Variants in CALN1 observed in about 807,000 individuals in gnomAD.
CALN1 encodes the protein calcium-binding protein 8.
Under a neutral mutation model 30.6 loss-of-function variants are expected in CALN1, and 17 were observed. The observed-to-expected ratio is 0.56, with a 90% CI of 0.38 to 0.83. CALN1 has a LOEUF of 0.83. Ranked by LOEUF, CALN1 falls within the 40% of genes least tolerant of loss-of-function variation. CALN1 has a pLI of 0.00. For missense variants in CALN1, 291 were observed against 354.9 expected, an observed-to-expected ratio of 0.82 and a Z score of 1.45; for synonymous variants, 156 against 131.4, an observed-to-expected ratio of 1.19 and a Z score of -1.28.
chr7:72,482,175 G>C, the CALN1 span, among the ~76,000 whole-genome samples: 1 of 152,068 alleles, frequency 6.6e-6, no homozygotes, highest in Non-Finnish European at 1.5e-5. Flanking sequence ...AATCTACTTA[G>C]TCTGGTATTA....
intron 5 of CALN1, among the ~76,000 whole-genome samples, chr7:71,933,525 C>A: frequency 6.6e-6 from 1 of 152,238 alleles, no homozygotes; most frequent in East Asian, 1.9e-4. Context: ...AGATGATGAG[C>A]CCTGGGTATT....
chr7:72,326,462 A>T (rs779741905), intron 2 of CALN1, among the ~76,000 whole-genome samples: 1 of 152,230 alleles, frequency 6.6e-6, no homozygotes, highest in Non-Finnish European at 1.5e-5. Flanking sequence ...GCTGAGATGG[A>T]ATATGTGTTT....
chr7:72,332,635 G>A (rs1801751807), intron 2 of CALN1, among the ~76,000 whole-genome samples: 1 of 152,058 alleles, frequency 6.6e-6, no homozygotes, highest in Admixed American at 6.6e-5. Context: ...GAGATCCCCT[G>A]GACTGCCTAA....
chr7:72,139,695 G>A (rs1305605299), intron 3 of CALN1, among the ~76,000 whole-genome samples: 1 of 152,040 alleles, frequency 6.6e-6, no homozygotes, highest in Non-Finnish European at 1.5e-5. Flanking sequence ...CCTCAGCCAT[G>A]TCCATCCTCT....
At chr7:71,899,711 A>T (rs1386913221) in intron 5 of CALN1, among the ~76,000 whole-genome samples, 1 of 152,220 alleles carries the variant, frequency 6.6e-6, no homozygotes, top group African/African-American at 2.4e-5. Context: ...TGAGAGGGCC[A>T]GGTCTCCAGG....
the CALN1 span, among the ~76,000 whole-genome samples, chr7:72,458,264 TTC>T: frequency 3.8e-4 from 31 of 81,020 alleles, no homozygotes; most frequent in Non-Finnish European, 6.0e-4. Context: ...TTATAATATA[TTC>T]TATATTATAT....
chr7:71,893,382 T>C (rs1030381732), intron 5 of CALN1, among the ~76,000 whole-genome samples: 1 of 152,052 alleles, frequency 6.6e-6, no homozygotes, highest in African/African-American at 2.4e-5. Context: ...AAGTGTACAA[T>C]CTAGTTGAAA....
chr7:72,328,607 A>T (rs767610181), intron 2 of CALN1, among the ~76,000 whole-genome samples: 1 of 152,210 alleles, frequency 6.6e-6, no homozygotes, highest in Non-Finnish European at 1.5e-5. Flanking sequence ...TTGAGATTAA[A>T]ACTCCCAAAA....
At chr7:71,839,923 G>T (rs543232404) in intron 5 of CALN1, among the ~76,000 whole-genome samples, 1 of 152,146 alleles carries the variant, frequency 6.6e-6, no homozygotes, top group Non-Finnish European at 1.5e-5. Flanking sequence ...CTCTCTCTAT[G>T]GAGGGCTGCC....
At chr7:72,221,265 G>A (rs1357009886) in intron 3 of CALN1, among the ~76,000 whole-genome samples, 1 of 151,320 alleles carries the variant, frequency 6.6e-6, no homozygotes, top group Non-Finnish European at 1.5e-5. Flanking sequence ...CCCCGAAAAC[G>A]TGGAGACGCG....
chr7:71,859,622 C>T (rs1172565641), intron 5 of CALN1, among the ~76,000 whole-genome samples: 3 of 152,190 alleles, frequency 2.0e-5, no homozygotes, highest in Non-Finnish European at 4.4e-5. Flanking sequence ...TCATTCCAAA[C>T]TTGAAAGAAT....
chr7:72,207,136 A>G (rs1005320823), intron 3 of CALN1, among the ~76,000 whole-genome samples: 7 of 152,212 alleles, frequency 4.6e-5, no homozygotes, highest in African/African-American at 1.4e-4. Context: ...ATTTCATGAC[A>G]TGACTAGCAA....
intron 2 of CALN1, among the ~76,000 whole-genome samples, chr7:72,311,502 C>T (rs60238920): frequency 0.12 from 17,559 of 151,656 alleles, 1,508 homozygotes; most frequent in East Asian, 0.43. Context: ...GTGTGTAAGA[C>T]AAGGTCTCAC....
At chr7:71,911,250 G>T (rs1210041837) in intron 5 of CALN1, among the ~76,000 whole-genome samples, 1 of 152,136 alleles carries the variant, frequency 6.6e-6, no homozygotes, top group Non-Finnish European at 1.5e-5. Flanking sequence ...CTCCACATTT[G>T]CTGAGAATCA....
At chr7:72,380,210 C>T (rs983556919) in intron 2 of CALN1, among the ~76,000 whole-genome samples, 3 of 152,078 alleles carry the variant, frequency 2.0e-5, no homozygotes, top group African/African-American at 7.2e-5. Context: ...ACCAGTCAAG[C>T]CCCACAAATC....
intron 5 of CALN1, among the ~76,000 whole-genome samples, chr7:71,979,006 C>T (rs1221864023): frequency 6.6e-6 from 1 of 152,102 alleles, no homozygotes; most frequent in Non-Finnish European, 1.5e-5. Context: ...GTGTCTCCCT[C>T]CAGAGAAAGT....
At chr7:72,143,179 G>A (rs1477893852) in intron 3 of CALN1, among the ~76,000 whole-genome samples, 1 of 152,178 alleles carries the variant, frequency 6.6e-6, no homozygotes, top group Non-Finnish European at 1.5e-5. Context: ...ACTTCTCCGA[G>A]CTAAAGGAGG....
At chr7:72,469,319 A>T in the CALN1 span, among the ~76,000 whole-genome samples, 1 of 152,218 alleles carries the variant, frequency 6.6e-6, no homozygotes, top group Non-Finnish European at 1.5e-5. Context: ...GTTGTTAAAA[A>T]GGCTGTCCTT....
intron 5 of CALN1, among the ~76,000 whole-genome samples, chr7:71,979,356 G>T (rs1477287093): frequency 6.6e-6 from 1 of 152,128 alleles, no homozygotes. Flanking sequence ...TGGGAGCCCT[G>T]GGCTTGTTTC....
Sources: allele counts gnomAD v4.1 joint callset (sites outside exome capture counted in the v4.1 genomes callset), GRCh38; gene constraint gnomAD v4.1.1; transcripts MANE v1.5; gene names NCBI Gene and HGNC (gene_info 2026-07-23, HGNC 2026-07-21).